Variants in LRMDA observed in about 807,000 individuals in gnomAD.
LRMDA encodes leucine-rich melanocyte differentiation-associated protein.
A neutral mutation model predicts 29.8 loss-of-function variants in LRMDA; 18 were observed. The observed-to-expected ratio is 0.60, with a 90% CI of 0.42 to 0.90. The LOEUF (loss-of-function observed/expected upper bound fraction) is 0.90, where lower values mean the gene tolerates loss of function less well. Among genes scored for constraint, LRMDA ranks in the 40% least tolerant of loss-of-function variants. LRMDA has a pLI of 0.00. For missense variants in LRMDA, 273 were observed against 273.9 expected, an observed-to-expected ratio of 1.00 and a Z score of 0.02; for synonymous variants, 125 against 109.4, an observed-to-expected ratio of 1.14 and a Z score of -0.89.
intron 2 of LRMDA, among the ~76,000 whole-genome samples, chr10:75,737,087 ATG>A (rs1491366943): frequency 2.0e-5 from 3 of 151,384 alleles, no homozygotes; most frequent in Non-Finnish European, 4.4e-5. Flanking sequence ...ACGCACATGC[ATG>A]CACACACACA....
intron 2 of LRMDA, among the ~76,000 whole-genome samples, chr10:75,665,701 A>G (rs1432013508): frequency 6.6e-6 from 1 of 152,200 alleles, no homozygotes; most frequent in Non-Finnish European, 1.5e-5. Context: ...ATTGTGAAAG[A>G]ATTTGAAATT....
chr10:75,996,794 G>A (rs1400854019), intron 2 of LRMDA, among the ~76,000 whole-genome samples: 2 of 150,598 alleles, frequency 1.3e-5, no homozygotes, highest in East Asian at 2.0e-4. Flanking sequence ...GTGCAGTGGC[G>A]TCATCTTGGC....
At chr10:76,017,085 A>G (rs1847890960) in intron 2 of LRMDA, among the ~76,000 whole-genome samples, 1 of 152,264 alleles carries the variant, frequency 6.6e-6, no homozygotes, top group Non-Finnish European at 1.5e-5. Context: ...AGAAGCGCTC[A>G]TACTGGAGCA....
At chr10:76,194,564 TC>T (rs1851301642) in intron 5 of LRMDA, among the ~76,000 whole-genome samples, 1 of 152,220 alleles carries the variant, frequency 6.6e-6, no homozygotes, top group African/African-American at 2.4e-5. Flanking sequence ...CACATGGGAA[TC>T]CTGAAAGGTG....
At chr10:76,383,425 T>TTTTTTTTTTCTTTTTTCTG (rs1841618213) in intron 6 of LRMDA, among the ~76,000 whole-genome samples, 1 of 136,512 alleles carries the variant, frequency 7.3e-6, no homozygotes, top group African/African-American at 2.9e-5. Context: ...CTTTTTTTTT[T>TTTTTTTTTTCTTTTTTCTG]TTTTTTTTTT....
At chr10:76,009,631 C>G (rs1411394843) in intron 2 of LRMDA, among the ~76,000 whole-genome samples, 1 of 152,156 alleles carries the variant, frequency 6.6e-6, no homozygotes, top group Non-Finnish European at 1.5e-5. Context: ...ATCATCAGAG[C>G]CTAGGGGGAA....
intron 1 of LRMDA, among the ~76,000 whole-genome samples, chr10:75,437,890 G>A (rs1317717072): frequency 6.6e-6 from 1 of 152,156 alleles, no homozygotes; most frequent in Non-Finnish European, 1.5e-5. Context: ...GGGATTTGTG[G>A]TCTGGGGAGG....
At chr10:76,111,671 T>C (rs2132113972) in intron 5 of LRMDA, among the ~76,000 whole-genome samples, 1 of 152,304 alleles carries the variant, frequency 6.6e-6, no homozygotes, top group South Asian at 2.1e-4. Flanking sequence ...ACAAGAAAAC[T>C]TTACTGTAAT....
intron 2 of LRMDA, among the ~76,000 whole-genome samples, chr10:76,035,130 ATTCT>A (rs1463657867): frequency 6.7e-6 from 1 of 149,864 alleles, no homozygotes; most frequent in African/African-American, 2.5e-5. Flanking sequence ...CGGGTACTTA[ATTCT>A]TTCTGTTGCC....
chr10:75,643,857 T>C (rs1841482694), intron 2 of LRMDA, among the ~76,000 whole-genome samples: 1 of 152,204 alleles, frequency 6.6e-6, no homozygotes, highest in Non-Finnish European at 1.5e-5. Flanking sequence ...TCTTATGCAA[T>C]GTGAAAGACA....
At chr10:76,538,007 G>T (rs759961843) in intron 6 of LRMDA, among the ~76,000 whole-genome samples, 2 of 152,062 alleles carry the variant, frequency 1.3e-5, no homozygotes, top group Non-Finnish European at 2.9e-5. Flanking sequence ...GTAGTTTTCT[G>T]TTACTTAGAA....
chr10:75,842,816 C>T (rs1276030013), intron 2 of LRMDA, among the ~76,000 whole-genome samples: 1 of 151,738 alleles, frequency 6.6e-6, no homozygotes, highest in Non-Finnish European at 1.5e-5. Flanking sequence ...TGGCTTGAGC[C>T]CAGGAGCTGG....
At position 76,276,130 on chromosome 10, in the gene LRMDA, G is replaced by A. The variant is rs972036860; in HGVS notation, c.517-48271G>A. On this transcript the variant is annotated intron_variant, in intron 5 of 6. Coordinates refer to ENST00000611255, the MANE Select transcript of LRMDA (RefSeq NM_001305581.2). ...CTTTTGTTCATTCTGTCTTTCTTTC[G>A]TTCTGTATTTCTGTTTTTGCTGTTG... Among the ~76,000 whole-genome samples, 15 of 138,136 alleles carry A rather than the reference G, an allele frequency of 1.1e-4. No individual in the cohort carries two copies. In the East Asian group the frequency reaches 2.5e-3, roughly 23 times the overall value. 90.6% of individuals were successfully genotyped at this position (138,136 alleles called of 152,430 possible).
Position 76,390,922 on chromosome 10 carries a change from A to C in LRMDA, c.601+66437A>C, listed in dbSNP as rs80191840. ...AGTTTTATTTGGGGCCTGTTTGTGT[A>C]TTCACGTGGAGAGAGTTAGCATTCT... On this transcript the variant is annotated intron_variant, in intron 6 of 6. Transcript: ENST00000611255. Among the ~76,000 whole-genome samples, 15 of 152,310 alleles carry C rather than the reference A, an allele frequency of 9.8e-5. No homozygotes were observed. In the East Asian group the frequency reaches 2.9e-3, roughly 29 times the overall value.
chr10:75,443,690 A>G (rs1844356941), intron 2 of LRMDA, among the ~76,000 whole-genome samples: 2 of 152,132 alleles, frequency 1.3e-5, no homozygotes, highest in African/African-American at 4.8e-5. Flanking sequence ...TATCAGGACA[A>G]TGTTGGTCTT....
chr10:75,508,924 C>T (rs975190845), intron 2 of LRMDA, among the ~76,000 whole-genome samples: 2 of 152,146 alleles, frequency 1.3e-5, no homozygotes, highest in African/African-American at 4.8e-5. Context: ...TGTTTTTTCA[C>T]CTGGCGTGCA....
intron 2 of LRMDA, among the ~76,000 whole-genome samples, chr10:75,740,720 A>G (rs1842818690): frequency 6.6e-6 from 1 of 152,178 alleles, no homozygotes; most frequent in African/African-American, 2.4e-5. Context: ...TTGATCAGCA[A>G]CAGACTTGGC....
chr10:76,432,845 C>T (rs1158648331), intron 6 of LRMDA, among the ~76,000 whole-genome samples: 1 of 152,148 alleles, frequency 6.6e-6, no homozygotes, highest in Non-Finnish European at 1.5e-5. Context: ...CGAGGGCTCA[C>T]CTCATTGCCC....
chr10:75,449,800 C>T (rs1451088141), intron 2 of LRMDA, among the ~76,000 whole-genome samples: 6 of 152,134 alleles, frequency 3.9e-5, no homozygotes, highest in South Asian at 2.1e-4. Flanking sequence ...GATCAGAGAT[C>T]GCAGCCGTGG....
Sources: gnomAD v4.1 joint callset for allele counts (sites outside exome capture counted in the v4.1 genomes callset) on GRCh38, gnomAD v4.1.1 for gene constraint, MANE v1.5 for transcripts, NCBI Gene and HGNC (gene_info 2026-07-23, HGNC 2026-07-21) for gene names.